Variants in FICD observed in about 807,000 individuals in gnomAD.
The protein encoded by FICD is protein adenylyltransferase FICD.
Under a neutral mutation model 28.0 loss-of-function variants are expected in FICD, and 13 were observed. The observed-to-expected ratio is 0.46, with a 90% CI of 0.30 to 0.74. FICD has a LOEUF of 0.74. Among genes scored for constraint, FICD ranks in the 30% least tolerant of loss-of-function variants. The pLI, the probability that FICD is intolerant of heterozygous loss-of-function variation, is 0.07. For synonymous variants in FICD, 268 were observed against 266.4 expected (o/e 1.01, Z -0.06); for missense variants, 576 against 624.5 (o/e 0.92, Z 0.83).
At position 108,516,934 on chromosome 12, in the gene FICD, G is replaced by A. The variant is rs747023454; in HGVS notation, c.-39G>A. The A allele has an allele frequency of 3.5e-6, 5 of 1,428,116 alleles. No homozygotes were observed. The highest frequency in any genetic ancestry group is 4.6e-6 in the Non-Finnish European group (5 of 1,077,466). 88.5% of individuals were successfully genotyped at this position (1,428,116 alleles called of 1,614,324 possible). On this transcript the variant is annotated 5_prime_UTR_variant, in exon 2 of 3. Coordinates refer to ENST00000552695, the MANE Select transcript of FICD (RefSeq NM_007076.3). ...TTGCAGATCCTGCTCTCTCTCAGCC[G>A]CCTGTGGACATGCGCAAAGGGCCCT...
Position 108,518,671 on chromosome 12 carries a change from C to T in FICD, c.573C>T (p.Asp191=), listed in dbSNP as rs755964034. 2 of 1,614,194 alleles carry T rather than the reference C, an allele frequency of 1.2e-6. No homozygotes were observed. The highest frequency in any genetic ancestry group is 2.2e-5 in the South Asian group (2 of 91,080). The change falls in exon 3 of 3, where the codon GAC becomes GAT. Residue 191 remains aspartate (D), a synonymous_variant. Coordinates refer to ENST00000552695, the MANE Select transcript of FICD (RefSeq NM_007076.3). The surrounding 1 kb of genome is among the most constrained non-coding windows in gnomAD (Gnocchi z 4.4). ...DRTLPLVEEI[D]QRYFSIIDSK... ...CACTGCCTCTTGTGGAAGAGATCGA[C>T]CAGAGGTATTTCAGCATCATCGACA...
In FICD at chr12:108,518,400, C is replaced by T. The variant is rs1349077768; in HGVS notation, c.302C>T (p.Ala101Val). The T allele has an allele frequency of 6.2e-6, 10 of 1,613,332 alleles. No individual in the cohort carries two copies. Among genetic ancestry groups the T allele is most frequent in the East Asian group, 4.5e-5 (2 of 44,870 alleles). The change falls in exon 3 of 3, where the codon GCG becomes GTG. Residue 101 changes from alanine (A) to valine (V), a missense_variant and splice_region_variant. Physicochemically the swap from Ala to Val is moderately conservative, Grantham distance 64 (BLOSUM62 0). Transcript: ENST00000552695. The surrounding 1 kb of genome is among the most constrained non-coding windows in gnomAD (Gnocchi z 4.4). ...LLVAKTKASPAGKLEARAALN... is the reference protein window; with the variant it reads ...LLVAKTKASPVGKLEARAALN... ...CAGCGCTTCTTTGGCTCTCTTCCAGCGGGTAAGTTGGAAGCCAGAGCTGCC... is the reference window on the plus strand; with the variant it reads ...CAGCGCTTCTTTGGCTCTCTTCCAGTGGGTAAGTTGGAAGCCAGAGCTGCC...
chr12:108,516,264 G>C (rs929148836), intron 1 of FICD, among the ~76,000 whole-genome samples: 3 of 152,212 alleles, frequency 2.0e-5, no homozygotes, highest in Admixed American at 1.3e-4. Context: ...AGGCCAGAGA[G>C]GGGAAGGGCA....
rs1294938640 is a variant in FICD at position 108,519,073 on chromosome 12, G to A, written c.975G>A (p.Gln325=). 2 of 1,614,234 alleles carry A rather than the reference G, an allele frequency of 1.2e-6. No homozygotes were observed. Among genetic ancestry groups the A allele is most frequent in the Non-Finnish European group, 1.7e-6 (2 of 1,180,046 alleles). Reference sequence around the variant, plus strand: ...GACACCACATCCCTCCCCATCCGCAGGATGTGGAAAAGCAGATGCAGGAGT... The same window carrying A: ...GACACCACATCCCTCCCCATCCGCAAGATGTGGAAAAGCAGATGCAGGAGT... ...LVGHHIPPHP[Q]DVEKQMQEFV... The change falls in exon 3 of 3, where the codon CAG becomes CAA. Residue 325 remains glutamine, a synonymous_variant. Transcript: ENST00000552695. This position sits in a 1 kb window ranked among gnomAD's most constrained non-coding sequence, Gnocchi z 4.5.
intron 1 of FICD, among the ~76,000 whole-genome samples, chr12:108,516,400 A>G (rs1393550575): frequency 2.6e-5 from 4 of 152,224 alleles, no homozygotes; most frequent in South Asian, 2.1e-4. Flanking sequence ...TCAGTCATTT[A>G]TGTCCCAAAT....
rs901114418 is a variant in FICD at position 108,521,144 on chromosome 12, T to C, written c.*1669T>C. The C allele has an allele frequency of 2.0e-5, 3 of 152,238 alleles. No homozygotes were observed. Among genetic ancestry groups the C allele is most frequent in the Non-Finnish European group, 2.9e-5 (2 of 68,038 alleles). The allele number at this position is 152,238 out of a possible 1,614,324, so 9.4% of individuals were successfully genotyped here. A position where few individuals can be genotyped will look rare whatever the true frequency, so the allele number is the denominator to read the frequency against. On this transcript the variant is annotated 3_prime_UTR_variant, in exon 3 of 3. Coordinates refer to ENST00000552695, the MANE Select transcript of FICD (RefSeq NM_007076.3). ...CTACAGAGCAAGAGAATTTGCACTT[T>C]AGCTATATGTGAAGGATATTATTTT...
At position 108,519,534 on chromosome 12, in the gene FICD, C is replaced by G. The variant is rs954065440; in HGVS notation, c.*59C>G. ...AGGTAGGAAAAAAAAAAAGAAACAGCATTTCTAGAAACCTAGTCACTTCCT... is the reference window on the plus strand; with the variant it reads ...AGGTAGGAAAAAAAAAAAGAAACAGGATTTCTAGAAACCTAGTCACTTCCT... On this transcript the variant is annotated 3_prime_UTR_variant, in exon 3 of 3. Transcript: ENST00000552695. The surrounding 1 kb of genome is among the most constrained non-coding windows in gnomAD (Gnocchi z 4.5). 1.8e-6 allele frequency: 2 copies of G among 1,117,338 alleles called. No individual in the cohort carries two copies. Among genetic ancestry groups the G allele is most frequent in the African/African-American group, 3.2e-5 (2 of 63,244 alleles). 69.2% of individuals were successfully genotyped at this position (1,117,338 alleles called of 1,614,324 possible). A position where few individuals can be genotyped will look rare whatever the true frequency, so the allele number is the denominator to read the frequency against.
At position 108,518,604 on chromosome 12, in the gene FICD, T is replaced by G. The variant is rs1235175272; in HGVS notation, c.506T>G (p.Ile169Ser). The G allele has an allele frequency of 1.9e-6, 3 of 1,614,004 alleles. No individual in the cohort carries two copies. The highest frequency in any genetic ancestry group is 2.7e-5 in the African/African-American group (2 of 74,906). ...ADYLYTRALT[I>S]SPYHEKALVN... ...TACTTGTACACCAGAGCATTGACCA[T>G]CTCACCCTACCATGAGAAAGCACTG... Residue 169 changes from isoleucine to serine, a missense_variant, in exon 3 of 3, where the codon ATC becomes AGC. By Grantham distance (142) the Ile-to-Ser change is moderately radical. Coordinates refer to ENST00000552695, the MANE Select transcript of FICD (RefSeq NM_007076.3). The surrounding 1 kb of genome is among the most constrained non-coding windows in gnomAD (Gnocchi z 4.4).
intron 2 of FICD, among the ~76,000 whole-genome samples, chr12:108,517,683 G>A (rs1040737365): frequency 6.6e-6 from 1 of 152,130 alleles, no homozygotes; most frequent in Non-Finnish European, 1.5e-5. Flanking sequence ...GCCAAGAGGG[G>A]CCAGGACAGG....
At chr12:108,516,665 C>T (rs893467997) in intron 1 of FICD, among the ~76,000 whole-genome samples, 1 of 152,186 alleles carries the variant, frequency 6.6e-6, no homozygotes, top group Non-Finnish European at 1.5e-5. Context: ...GCTTAGCACA[C>T]GGCCTGGATT....
intron 1 of FICD, among the ~76,000 whole-genome samples, chr12:108,515,565 T>TG (rs1871886629): frequency 6.6e-6 from 1 of 152,054 alleles, no homozygotes; most frequent in Non-Finnish European, 1.5e-5. Flanking sequence ...AACGCACTCC[T>TG]TCCCTGCACA....
At chr12:108,517,303 CTTG>C (rs1261157908) in intron 2 of FICD, 30 bp downstream of exon 2, 1 of 1,463,694 alleles carries the variant, frequency 6.8e-7, no homozygotes, top group East Asian at 2.4e-5. Flanking sequence ...TTCCTCAATG[CTTG>C]TTAACTGGAT....
rs745666496 is a variant in FICD, at chr12:108,519,157, C to G, written c.1059C>G (p.Ala353=). ...ACCTGCACCCAGTGGAGTTTGCAGC[C>G]TTAGCCCATTATAAACTCGTTTACA... is the stretch of plus-strand genomic sequence containing the variant. ...AMNLHPVEFA[A]LAHYKLVYIH... is the part of the protein sequence containing the mutation. Residue 353 remains alanine, a synonymous_variant, in exon 3 of 3, where the codon GCC becomes GCG. Transcript: ENST00000552695. This position sits in a 1 kb window ranked among gnomAD's most constrained non-coding sequence, Gnocchi z 4.5. 2.5e-6 allele frequency: 4 copies of G among 1,614,108 alleles called. No homozygotes were observed. Among genetic ancestry groups the G allele is most frequent in the Non-Finnish European group, 3.4e-6 (4 of 1,180,038 alleles).
At chr12:108,517,351 G>T in intron 2 of FICD, 78 bp downstream of exon 2, 1 of 1,225,908 alleles carries the variant, frequency 8.2e-7, no homozygotes, top group Non-Finnish European at 1.1e-6. Flanking sequence ...CCTGTATGTG[G>T]GGCATCGGGG....
chr12:108,519,050 C>CACCA lies in FICD; in HGVS notation c.953_956dup (p.His319GlnfsTer41), dbSNP rs1359548427. The CACCA allele has an allele frequency of 5.0e-6, 8 of 1,614,234 alleles. No individual in the cohort carries two copies. Among genetic ancestry groups the CACCA allele is most frequent in the Non-Finnish European group, 6.8e-6 (8 of 1,180,040 alleles). On this transcript the variant is annotated frameshift_variant, in exon 3 of 3. Transcript: ENST00000552695. LOFTEE classifies it high-confidence loss of function. The surrounding 1 kb of genome is among the most constrained non-coding windows in gnomAD (Gnocchi z 4.5). ...TCGGACAACACAGGTCCTGGTCGGA[C>CACCA]ACCACATCCCTCCCCATCCGCAGGA...
rs946838854 is a variant in FICD, at chr12:108,521,030, T to C, written c.*1555T>C. 5.9e-5 allele frequency: 9 copies of C among 152,252 alleles called. No individual in the cohort carries two copies. The highest frequency in any genetic ancestry group is 2.2e-4 in the African/African-American group (9 of 41,462). 9.4% of individuals were successfully genotyped at this position (152,252 alleles called of 1,614,324 possible). On this transcript the variant is annotated 3_prime_UTR_variant, in exon 3 of 3. Transcript: ENST00000552695. The stretch of plus-strand genomic sequence containing the variant: ...ACCTTTATAAAATGTGTTTTCGTAC[T>C]CTTATGCTGCCAGAGGTACTTCTTA...
chr12:108,516,794 G>A (rs1295605111), intron 1 of FICD, 121 bp from the exon 2 acceptor site: 2 of 459,706 alleles, frequency 4.4e-6, no homozygotes, highest in Non-Finnish European at 7.4e-6. Context: ...TCCTTGACTT[G>A]CCCCCACCCC....
At chr12:108,516,003 G>T (rs1333853575) in intron 1 of FICD, among the ~76,000 whole-genome samples, 1 of 152,188 alleles carries the variant, frequency 6.6e-6, no homozygotes, top group African/African-American at 2.4e-5. Flanking sequence ...GTGGCATGAG[G>T]GTGAAACGAG....
chr12:108,516,960 C>A lies in FICD; in HGVS notation c.-13C>A. ...CCTGTGGACATGCGCAAAGGGCCCT[C>A]TCCTGAGTCCAGATGATGCTCATAC... is the stretch of plus-strand genomic sequence containing the variant. On this transcript the variant is annotated 5_prime_UTR_variant, in exon 2 of 3. Coordinates refer to ENST00000552695, the MANE Select transcript of FICD (RefSeq NM_007076.3). 6.8e-7 allele frequency: 1 copy of A among 1,463,310 alleles called. No homozygotes were observed. The highest frequency in any genetic ancestry group is 9.1e-7 in the Non-Finnish European group (1 of 1,098,422). The allele number at this position is 1,463,310 out of a possible 1,614,324, so 90.6% of individuals were successfully genotyped here.
Sources: allele counts gnomAD v4.1 joint callset (sites outside exome capture counted in the v4.1 genomes callset), GRCh38; gene constraint gnomAD v4.1.1; non-coding constraint Gnocchi (gnomAD v3.1); transcripts MANE v1.5; gene names NCBI Gene and HGNC (gene_info 2026-07-23, HGNC 2026-07-21).